THSD7A: variants seen among roughly 807,000 people sequenced by gnomAD.
THSD7A encodes the protein thrombospondin type-1 domain-containing protein 7A.
THSD7A carries 96 observed loss-of-function variants against 231.3 expected under a neutral mutation model. The ratio of observed to expected loss-of-function variants is 0.41; its 90% CI spans 0.35 to 0.49. THSD7A has a LOEUF of 0.49. THSD7A is among the 20% of genes least tolerant of loss of function. The pLI is 0.05. For synonymous variants in THSD7A, 940 were observed against 743.3 expected, an observed-to-expected ratio of 1.26 and a Z score of -4.30; for missense variants, 2,290 against 2,070.2, an observed-to-expected ratio of 1.11 and a Z score of -2.06.
At chr7:11,412,834 G>T (rs762757014) in intron 17 of THSD7A, 34 bp from the exon 18 acceptor site, 2 of 1,591,880 alleles carry the variant, frequency 1.3e-6, no homozygotes, top group Non-Finnish European at 1.7e-6. Context: ...TCAGAAAGGT[G>T]AATACTCAGC....
rs570348388 is a variant in THSD7A, at chr7:11,753,390, A to G, written c.190+78367T>C. Among the ~76,000 whole-genome samples the G allele has an allele frequency of 1.7e-4, 26 of 152,112 alleles. 1 individual carries two copies. In the East Asian group the frequency reaches 5.1e-3, roughly 30 times the overall value. On this transcript the variant is annotated intron_variant, in intron 1 of 27. Coordinates refer to ENST00000423059, the MANE Select transcript of THSD7A (RefSeq NM_015204.3). ...TTGCAATGTCTACTTGTACACTATT[A>G]TTTTTTAATAACTTATAACAAAGCT...
intron 1 of THSD7A, among the ~76,000 whole-genome samples, chr7:11,712,581 T>C (rs1781002993): frequency 6.6e-6 from 1 of 151,090 alleles, no homozygotes; most frequent in African/African-American, 2.4e-5. Flanking sequence ...GTAATAAGTT[T>C]CATTTCTCAT....
chr7:11,610,921 G>T (rs1668416034), intron 2 of THSD7A, among the ~76,000 whole-genome samples: 1 of 152,060 alleles, frequency 6.6e-6, no homozygotes, highest in Non-Finnish European at 1.5e-5. Context: ...TCTCTTTAAT[G>T]GTAGAAATCT....
At chr7:11,437,231 C>G (rs999589053) in intron 13 of THSD7A, among the ~76,000 whole-genome samples, 3 of 152,084 alleles carry the variant, frequency 2.0e-5, no homozygotes, top group Admixed American at 2.0e-4. Flanking sequence ...ATGGCAGATG[C>G]TCTTCCATCA....
chr7:11,710,421 A>C (rs1161977407), intron 1 of THSD7A, among the ~76,000 whole-genome samples: 2 of 150,970 alleles, frequency 1.3e-5, no homozygotes, highest in African/African-American at 2.4e-5. Context: ...CATCAAAGCT[A>C]AGTCTCAGAA....
intron 1 of THSD7A, among the ~76,000 whole-genome samples, chr7:11,828,789 T>C (rs1022374129): frequency 1.3e-5 from 2 of 152,122 alleles, no homozygotes; most frequent in Non-Finnish European, 2.9e-5. Flanking sequence ...TATTCATGTA[T>C]ATATTATATG....
intron 23 of THSD7A, among the ~76,000 whole-genome samples, chr7:11,390,076 T>A (rs556655808): frequency 6.7e-6 from 1 of 150,290 alleles, no homozygotes; most frequent in Non-Finnish European, 1.5e-5. Context: ...TTTGTGAATC[T>A]GATGATTATG....
intron 8 of THSD7A, among the ~76,000 whole-genome samples, chr7:11,473,189 T>C (rs1303681391): frequency 6.6e-6 from 1 of 152,164 alleles, no homozygotes; most frequent in African/African-American, 2.4e-5. Context: ...TCTGGAACCC[T>C]GGCCAGACAC....
chr7:11,674,696 G>A (rs987107856), intron 1 of THSD7A, among the ~76,000 whole-genome samples: 11 of 152,066 alleles, frequency 7.2e-5, no homozygotes, highest in African/African-American at 1.2e-4. Flanking sequence ...AAAGCAAGAA[G>A]CATTAGCTCT....
At chr7:11,441,846 A>G (rs773397365) in intron 13 of THSD7A, among the ~76,000 whole-genome samples, 15 of 151,652 alleles carry the variant, frequency 9.9e-5, no homozygotes, top group Admixed American at 5.3e-4. Context: ...GTCGGGGGCT[A>G]GGGGAGGGAT....
At chr7:11,655,352 C>A (rs1212923407) in intron 1 of THSD7A, among the ~76,000 whole-genome samples, 1 of 151,840 alleles carries the variant, frequency 6.6e-6, no homozygotes, top group African/African-American at 2.4e-5. Context: ...GGTGACAGAG[C>A]TCATTGTTTA....
At position 11,372,214 on chromosome 7, in the gene THSD7A, AC is replaced by A. The variant is rs35195733; in HGVS notation, c.*3579del. 1 of 151,936 alleles carries A rather than the reference AC, an allele frequency of 6.6e-6. No homozygotes were observed. The highest frequency in any genetic ancestry group is 1.5e-5 in the Non-Finnish European group (1 of 67,982). 9.4% of individuals were successfully genotyped at this position (151,936 alleles called of 1,614,324 possible). ...GTACATTACGTAGGGGAAAATACTA[AC>A]CCCATCTAAAAACAAACCTAGAGTA... On this transcript the variant is annotated 3_prime_UTR_variant, in exon 28 of 28. Coordinates refer to ENST00000423059, the MANE Select transcript of THSD7A (RefSeq NM_015204.3).
At chr7:11,556,717 T>A (rs1789861187) in intron 4 of THSD7A, among the ~76,000 whole-genome samples, 1 of 151,952 alleles carries the variant, frequency 6.6e-6, no homozygotes, top group South Asian at 2.1e-4. Flanking sequence ...TCCTTCATTC[T>A]TGAAAGATAT....
rs1396315397 is a variant in THSD7A, at chr7:11,831,259, T to C, written c.190+498A>G. On this transcript the variant is annotated intron_variant, in intron 1 of 27. Transcript: ENST00000423059. The surrounding 1 kb of genome is among the most constrained non-coding windows in gnomAD (Gnocchi z 5.0). ...TCCCTGAAGGCTCACTGGAGCCCCA[T>C]TTGCCTTTAATTGTTGGAACCGCCC... is the stretch of plus-strand genomic sequence containing the variant. Among the ~76,000 whole-genome samples, 1 of 152,210 alleles carries C rather than the reference T, an allele frequency of 6.6e-6. No individual in the cohort carries two copies. The highest frequency in any genetic ancestry group is 1.5e-5 in the Non-Finnish European group (1 of 68,028).
intron 1 of THSD7A, among the ~76,000 whole-genome samples, chr7:11,642,720 C>T (rs756366862): frequency 6.6e-5 from 10 of 152,064 alleles, no homozygotes; most frequent in Non-Finnish European, 1.0e-4. Context: ...TGCTACTTGG[C>T]TTAGTTTTCC....
rs996707307 is a variant in THSD7A at position 11,375,596 on chromosome 7, C to T, written c.*198G>A. ...TCAGCTAAATCTCCTATAATTCTCA[C>T]GGTTGATGGTCTGTATATAAGTGGT... On this transcript the variant is annotated 3_prime_UTR_variant, in exon 28 of 28. Transcript: ENST00000423059. 8 of 398,058 alleles carry T rather than the reference C, an allele frequency of 2.0e-5. No individual in the cohort carries two copies. The Admixed American group carries it at 2.1e-4, about 11-fold the overall frequency. 24.7% of individuals were successfully genotyped at this position (398,058 alleles called of 1,614,324 possible).
chr7:11,820,331 G>T lies in THSD7A; in HGVS notation c.190+11426C>A, dbSNP rs886603526. On this transcript the variant is annotated intron_variant, in intron 1 of 27. Transcript: ENST00000423059. ...AAGAGTGGACCCTACTCGGTTGTGGGCTGTAAATTGTCCTTCTCTTCTCTG... is the reference window on the plus strand; with the variant it reads ...AAGAGTGGACCCTACTCGGTTGTGGTCTGTAAATTGTCCTTCTCTTCTCTG... 4.7e-6 allele frequency: 4 copies of T among 851,480 alleles called. No homozygotes were observed. The African/African-American group carries it at 5.3e-5, about 11-fold the overall frequency. 52.7% of individuals were successfully genotyped at this position (851,480 alleles called of 1,614,324 possible). A position where few individuals can be genotyped will look rare whatever the true frequency, so the allele number is the denominator to read the frequency against.
At chr7:11,759,417 T>C (rs1782784932) in intron 1 of THSD7A, among the ~76,000 whole-genome samples, 1 of 152,034 alleles carries the variant, frequency 6.6e-6, no homozygotes, top group South Asian at 2.1e-4. Flanking sequence ...TTGAAAGATA[T>C]TAATCTGTAG....
chr7:11,472,824 C>A (rs1785991971), intron 8 of THSD7A, among the ~76,000 whole-genome samples: 1 of 152,166 alleles, frequency 6.6e-6, no homozygotes, highest in Admixed American at 6.6e-5. Flanking sequence ...AATGAGCTCA[C>A]TGGTAGAAGC....
Sources: allele counts gnomAD v4.1 joint callset (sites outside exome capture counted in the v4.1 genomes callset), GRCh38; gene constraint gnomAD v4.1.1; non-coding constraint Gnocchi (gnomAD v3.1); transcripts MANE v1.5; gene names NCBI Gene and HGNC (gene_info 2026-07-23, HGNC 2026-07-21).